Variants in DAB2IP observed in about 807,000 individuals in gnomAD.
DAB2IP encodes the protein disabled homolog 2-interacting protein.
DAB2IP carries 28 observed loss-of-function variants against 107.2 expected under a neutral mutation model. The ratio of observed to expected loss-of-function variants is 0.26; its 90% CI spans 0.19 to 0.36. The LOEUF is 0.36. DAB2IP is among the 10% of genes least tolerant of loss of function. The probability of loss-of-function intolerance (pLI) is 1.00; values close to 1 mark genes in which losing one functional copy is unlikely to be tolerated. For synonymous variants in DAB2IP, 755 were observed against 706.4 expected (o/e 1.07, Z -1.09); for missense variants, 1,400 against 1,644.7 (o/e 0.85, Z 2.57).
rs1272401709 is a variant in DAB2IP at position 121,633,202 on chromosome 9, A to G, written c.41-45476A>G. 6.6e-6 allele frequency among the ~76,000 whole-genome samples: 1 copy of G among 152,224 alleles called. No individual in the cohort carries two copies. The highest frequency in any genetic ancestry group is 1.5e-5 in the Non-Finnish European group (1 of 68,038). On this transcript the variant is annotated intron_variant, in intron 1 of 16. Coordinates refer to the DAB2IP transcript ENST00000259371. This position sits in a 1 kb window ranked among gnomAD's most constrained non-coding sequence, Gnocchi z 5.1. ...CGCTGGGAATAGAGACCTCATCGGG[A>G]AGGTTTGACATGAACAATACAATAA...
At chr9:121,594,444 C>T (rs148047384) in intron 1 of DAB2IP, among the ~76,000 whole-genome samples, 48 of 152,124 alleles carry the variant, frequency 3.2e-4, no homozygotes, top group African/African-American at 1.1e-3. Context: ...ACCATGTTGA[C>T]CAGGCTGGTC....
At chr9:121,647,764 CAT>C (rs921267781), upstream of DAB2IP, among the ~76,000 whole-genome samples, 3 of 151,338 alleles carry the variant, frequency 2.0e-5, no homozygotes, top group African/African-American at 4.9e-5. Flanking sequence ...TATACACACA[CAT>C]ATATATACAT....
chr9:121,781,621 C>T lies in DAB2IP; in HGVS notation c.3402+70C>T. 8.1e-6 allele frequency: 12 copies of T among 1,488,236 alleles called. No individual in the cohort carries two copies. In the South Asian group the frequency reaches 1.2e-4, roughly 15 times the overall value. 92.2% of individuals were successfully genotyped at this position (1,488,236 alleles called of 1,614,324 possible). ...TGGGATTAGGAGGGGTGACTAGCCT[C>T]TCCATCCTCAGTCATACCTCACTGC... is the stretch of plus-strand genomic sequence containing the variant. On this transcript the variant is annotated intron_variant, in intron 15 of 15. Transcript: ENST00000408936.
Position 121,651,905 on chromosome 9 carries a change from C to A in DAB2IP, c.124+6C>A. 1 of 1,384,916 alleles carries A rather than the reference C, an allele frequency of 7.2e-7. No individual in the cohort carries two copies. The highest frequency in any genetic ancestry group is 1.6e-5 in the South Asian group (1 of 61,956). 85.8% of individuals were successfully genotyped at this position (1,384,916 alleles called of 1,614,324 possible). A position where few individuals can be genotyped will look rare whatever the true frequency, so the allele number is the denominator to read the frequency against. On this transcript the variant is annotated splice_donor_region_variant and intron_variant, in intron 1 of 15. Transcript: ENST00000408936. The surrounding 1 kb of genome is among the most constrained non-coding windows in gnomAD (Gnocchi z 5.1). ...CCGGACCCGGCCTGCCAGGGGTAGGCGCCACCCCGACCCCTGACCCCTAGA... is the reference window on the plus strand; with the variant it reads ...CCGGACCCGGCCTGCCAGGGGTAGGAGCCACCCCGACCCCTGACCCCTAGA...
chr9:121,587,786 G>A (rs930152115), intron 1 of DAB2IP, among the ~76,000 whole-genome samples: 1 of 152,026 alleles, frequency 6.6e-6, no homozygotes. Context: ...GAGACCCACT[G>A]GTAGATAAGG....
At chr9:121,737,662 G>T (rs1187479630) in intron 3 of DAB2IP, 14 of 985,344 alleles carry the variant, frequency 1.4e-5, no homozygotes, top group Non-Finnish European at 1.7e-5. Flanking sequence ...AGCCTCGGGG[G>T]TTGCAAGTGC....
At chr9:121,739,382 G>A (rs996596580) in intron 3 of DAB2IP, among the ~76,000 whole-genome samples, 1 of 152,238 alleles carries the variant, frequency 6.6e-6, no homozygotes, top group African/African-American at 2.4e-5. Flanking sequence ...CACCTGGGTA[G>A]CAGTTCAGAT....
At chr9:121,642,746 T>C (rs779928933) in intron 1 of DAB2IP, among the ~76,000 whole-genome samples, 1 of 152,194 alleles carries the variant, frequency 6.6e-6, no homozygotes, top group Non-Finnish European at 1.5e-5. Flanking sequence ...ACAAGGTTCC[T>C]GTCCTCATTA....
intron 2 of DAB2IP, among the ~76,000 whole-genome samples, chr9:121,694,010 G>A (rs1173464991): frequency 6.6e-6 from 1 of 152,152 alleles, no homozygotes; most frequent in East Asian, 1.9e-4. Context: ...GACAGCACTG[G>A]GCAAGGTTCC....
chr9:121,667,666 C>CTTT (rs57124591), intron 1 of DAB2IP, among the ~76,000 whole-genome samples: 37 of 147,098 alleles, frequency 2.5e-4, no homozygotes, highest in Non-Finnish European at 5.3e-4. Flanking sequence ...AATTTTTCAT[C>CTTT]TTTTTTTTTT....
chr9:121,759,090 G>C, intron 5 of DAB2IP, 94 bp downstream of exon 5: 2 of 1,308,372 alleles, frequency 1.5e-6, no homozygotes, highest in Non-Finnish European at 2.2e-6. Context: ...TGTGGGCTGG[G>C]ATTGGGGGTG....
chr9:121,616,854 AC>A (rs1443448369), intron 1 of DAB2IP, among the ~76,000 whole-genome samples: 1 of 151,960 alleles, frequency 6.6e-6, no homozygotes, highest in Non-Finnish European at 1.5e-5. Context: ...AGTTGGCTTG[AC>A]CTTTCTGCTG....
chr9:121,732,659 G>A (rs1831615316), intron 3 of DAB2IP, among the ~76,000 whole-genome samples: 1 of 152,192 alleles, frequency 6.6e-6, no homozygotes, highest in Non-Finnish European at 1.5e-5. Flanking sequence ...AGCGAGCAGA[G>A]GCTCTGAAGT....
rs530042024 is a variant in DAB2IP at position 121,697,140 on chromosome 9, G to C, written c.229-2185G>C. Among the ~76,000 whole-genome samples the C allele has an allele frequency of 9.7e-4, 148 of 152,158 alleles. 1 individual carries two copies. Among genetic ancestry groups the C allele is most frequent in the Non-Finnish European group, 1.7e-3 (117 of 68,032 alleles). ...ACATTAAGTAGAGTCACAGGGGGTG[G>C]AGTGGGGAAGAGGAAGTGGCACATG... On this transcript the variant is annotated intron_variant, in intron 2 of 15. Coordinates refer to ENST00000408936, the Ensembl canonical transcript of DAB2IP.
intron 10 of DAB2IP, 152 bp from the exon 11 acceptor site, chr9:121,770,394 C>G (rs1021293294): frequency 3.7e-6 from 3 of 808,502 alleles, no homozygotes; most frequent in South Asian, 2.0e-5. Flanking sequence ...GGCTCACCCC[C>G]CTCCCAGACC....
At chr9:121,676,927 C>A (rs912899305) in intron 1 of DAB2IP, among the ~76,000 whole-genome samples, 5 of 152,178 alleles carry the variant, frequency 3.3e-5, no homozygotes, top group African/African-American at 1.2e-4. Context: ...GCAGGTTGGA[C>A]AGACTCAGGA....
chr9:121,713,322 G>T (rs979768965), intron 3 of DAB2IP, among the ~76,000 whole-genome samples: 1 of 152,106 alleles, frequency 6.6e-6, no homozygotes, highest in African/African-American at 2.4e-5. Flanking sequence ...AGGACCTGTT[G>T]CTCTGACAGT....
intron 1 of DAB2IP, among the ~76,000 whole-genome samples, chr9:121,663,338 T>C (rs1353057542): frequency 2.6e-5 from 4 of 152,132 alleles, no homozygotes. Context: ...CCCAGCATCC[T>C]GGGATGTAAC....
chr9:121,642,011 C>CTT (rs1832344266), intron 1 of DAB2IP, among the ~76,000 whole-genome samples: 5 of 25,696 alleles, frequency 1.9e-4, no homozygotes, highest in African/African-American at 6.2e-4. Context: ...CTCTCTCTCT[C>CTT]TCTCTCTCTC....
Sources: gnomAD v4.1 joint callset for allele counts (sites outside exome capture counted in the v4.1 genomes callset) on GRCh38, gnomAD v4.1.1 for gene constraint, Gnocchi (gnomAD v3.1) non-coding constraint, MANE v1.5 for transcripts, NCBI Gene and HGNC (gene_info 2026-07-23, HGNC 2026-07-21) for gene names.